The following MAST4 variants were observed in gnomAD, a reference collection of about 807,000 sequenced individuals.
MAST4 encodes microtubule-associated serine/threonine-protein kinase 4.
Under a neutral mutation model 162.7 loss-of-function variants are expected in MAST4, and 89 were observed. The observed-to-expected ratio is 0.55, with a 90% confidence interval of 0.46 to 0.65. The LOEUF is 0.65. MAST4 is among the 30% of genes least tolerant of loss of function. The probability of loss-of-function intolerance (pLI) is 0.00; values close to 1 mark genes in which losing one functional copy is unlikely to be tolerated. For synonymous variants in MAST4, 1,479 were observed against 1,361.1 expected (o/e 1.09, Z -1.91); for missense variants, 3,153 against 3,374.0 (o/e 0.93, Z 1.62).
intron 1 of MAST4, among the ~76,000 whole-genome samples, chr5:66,691,271 T>C (rs749913851): frequency 5.9e-5 from 9 of 152,234 alleles, no homozygotes; most frequent in Non-Finnish European, 1.2e-4. Context: ...TATTAAGAAT[T>C]CAGTATCTTT....
At chr5:66,601,795 G>C (rs1207730646) in intron 1 of MAST4, among the ~76,000 whole-genome samples, 1 of 152,174 alleles carries the variant, frequency 6.6e-6, no homozygotes, top group Non-Finnish European at 1.5e-5. Context: ...GCCATTGAAG[G>C]ATTTGAAGCA....
intron 4 of MAST4, among the ~76,000 whole-genome samples, chr5:67,020,416 C>T (rs1270320385): frequency 6.6e-6 from 1 of 152,204 alleles, no homozygotes; most frequent in Non-Finnish European, 1.5e-5. Context: ...TGGTTTCTTT[C>T]CCCTTTGGTA....
At chr5:66,724,557 A>G (rs960419614) in intron 1 of MAST4, among the ~76,000 whole-genome samples, 1 of 152,302 alleles carries the variant, frequency 6.6e-6, no homozygotes, top group Non-Finnish European at 1.5e-5. Context: ...GAAGCATGTC[A>G]TTAAGCAATT....
At chr5:67,062,896 G>A (rs1270409428) in intron 5 of MAST4, among the ~76,000 whole-genome samples, 1 of 151,468 alleles carries the variant, frequency 6.6e-6, no homozygotes, top group Non-Finnish European at 1.5e-5. Flanking sequence ...TCCTTGTAGA[G>A]TGTCATTTTA....
intron 1 of MAST4, among the ~76,000 whole-genome samples, chr5:66,717,323 A>G (rs1452792025): frequency 3.9e-5 from 6 of 152,226 alleles, no homozygotes; most frequent in Non-Finnish European, 8.8e-5. Context: ...GCCTATTTCT[A>G]TGGTTTTTAA....
chr5:67,113,263 G>A (rs912178443), intron 11 of MAST4, among the ~76,000 whole-genome samples: 9 of 130,808 alleles, frequency 6.9e-5, no homozygotes, highest in African/African-American at 2.2e-4. Flanking sequence ...GCAGTGAGCC[G>A]AGATCGCACC....
At chr5:66,915,266 C>CAAAAA (rs70987147) in intron 4 of MAST4, among the ~76,000 whole-genome samples, 1,804 of 83,524 alleles carry the variant, frequency 0.022, 49 homozygotes, top group African/African-American at 0.06. Context: ...ACTCTTGTCT[C>CAAAAA]AAAAAAAAAA....
chr5:67,127,910 A>T (rs760542688), intron 14 of MAST4, among the ~76,000 whole-genome samples: 74 of 152,218 alleles, frequency 4.9e-4, no homozygotes, highest in Non-Finnish European at 9.4e-4. Flanking sequence ...TAAATTTCCT[A>T]GTCTTTTGTT....
intron 1 of MAST4, among the ~76,000 whole-genome samples, chr5:66,710,592 G>A (rs912400257): frequency 1.3e-5 from 2 of 152,012 alleles, no homozygotes; most frequent in East Asian, 3.8e-4. Context: ...ATTTTTTGGG[G>A]GAAAAATCTA....
intron 1 of MAST4, among the ~76,000 whole-genome samples, chr5:66,695,520 ATTTTAAAGTAGTTTTTTTT>A (rs1749342931): frequency 6.6e-6 from 1 of 152,062 alleles, no homozygotes. Flanking sequence ...TTCCATATGA[ATTTTAAAGTAGTTTTTTTT>A]CTAATTATGT....
chr5:66,667,998 A>C (rs1459937994), intron 1 of MAST4, among the ~76,000 whole-genome samples: 1 of 152,210 alleles, frequency 6.6e-6, no homozygotes, highest in African/African-American at 2.4e-5. Flanking sequence ...TGGTAAGGAA[A>C]ATCTTCCATT....
intron 4 of MAST4, among the ~76,000 whole-genome samples, chr5:66,946,363 C>T (rs1744027293): frequency 6.6e-6 from 1 of 152,114 alleles, no homozygotes; most frequent in South Asian, 2.1e-4. Context: ...CTCTTACGAA[C>T]AAGATATTGA....
rs1561375737 is a variant in MAST4 at position 66,845,092 on chromosome 5, TA to T, written c.643-54858del. Among the ~76,000 whole-genome samples the T allele has an allele frequency of 1.1e-3, 74 of 66,130 alleles. 4 individuals are homozygous for T. Among genetic ancestry groups the T allele is most frequent in the African/African-American group, 5.0e-3 (68 of 13,728 alleles). 43.4% of individuals were successfully genotyped at this position (66,130 alleles called of 152,430 possible). A position where few individuals can be genotyped will look rare whatever the true frequency, so the allele number is the denominator to read the frequency against. Reference sequence around the variant, plus strand: ...CATTAAGGTCACTAATCTTTATATATATATATATATATATATATATATATAT... The same window carrying T: ...CATTAAGGTCACTAATCTTTATATATTATATATATATATATATATATATAT... On this transcript the variant is annotated intron_variant, in intron 3 of 28. Coordinates refer to ENST00000403625, the MANE Select transcript of MAST4 (RefSeq NM_001164664.2).
chr5:67,092,159 T>C (rs992990410), intron 6 of MAST4, among the ~76,000 whole-genome samples: 6 of 152,228 alleles, frequency 3.9e-5, no homozygotes, highest in Admixed American at 3.9e-4. Flanking sequence ...TAATGTCATT[T>C]TGAGACTCCC....
At chr5:67,013,316 G>A (rs769922160) in intron 4 of MAST4, among the ~76,000 whole-genome samples, 3 of 152,166 alleles carry the variant, frequency 2.0e-5, no homozygotes, top group Non-Finnish European at 4.4e-5. Context: ...ATCTTTTAGA[G>A]GTAGTATATT....
chr5:67,161,020 G>A (rs1473818641), intron 27 of MAST4, among the ~76,000 whole-genome samples: 1 of 152,146 alleles, frequency 6.6e-6, no homozygotes, highest in Non-Finnish European at 1.5e-5. Context: ...ACCTTTAAAG[G>A]TTCCGAATAA....
chr5:67,029,677 T>C (rs1755082170), intron 4 of MAST4, among the ~76,000 whole-genome samples: 1 of 152,188 alleles, frequency 6.6e-6, no homozygotes. Context: ...GAACAAAAAG[T>C]GTTTGCTACT....
chr5:66,663,394 CTTAAT>C lies in MAST4; in HGVS notation c.363+66381_363+66385del, dbSNP rs200189362. On this transcript the variant is annotated intron_variant, in intron 1 of 28. Transcript: ENST00000403625. ...CAAATGCAGAAAGGAGACAATTAAA[CTTAAT>C]TTAAAAAATCGATGTCAAATGGAGA... Among the ~76,000 whole-genome samples the C allele has an allele frequency of 3.1e-3, 472 of 152,230 alleles. 4 individuals carry two copies. The East Asian group carries it at 0.042, about 13-fold the overall frequency.
At chr5:67,063,773 G>A (rs987429124) in intron 5 of MAST4, among the ~76,000 whole-genome samples, 1 of 152,108 alleles carries the variant, frequency 6.6e-6, no homozygotes, top group Admixed American at 6.5e-5. Flanking sequence ...TTTAGCTAGG[G>A]TTGGTTGCTG....
Sources: gnomAD v4.1 joint callset for allele counts (sites outside exome capture counted in the v4.1 genomes callset) on GRCh38, gnomAD v4.1.1 for gene constraint, MANE v1.5 for transcripts, NCBI Gene and HGNC (gene_info 2026-07-23, HGNC 2026-07-21) for gene names.